The following MET variants were observed in gnomAD, a reference collection of about 807,000 sequenced individuals.
MET encodes hepatocyte growth factor receptor.
MET carries 48 observed loss-of-function variants against 133.1 expected under a neutral mutation model. The ratio of observed to expected loss-of-function variants is 0.36; its 90% confidence interval spans 0.29 to 0.46. The LOEUF (loss-of-function observed/expected upper bound fraction) is 0.46. Among genes scored for constraint, MET ranks in the 20% least tolerant of loss-of-function variants. The pLI is 1.00. For missense variants in MET, 1,442 were observed against 1,695.9 expected (o/e 0.85, Z 2.63); for synonymous variants, 628 against 616.5 (o/e 1.02, Z -0.28).
chr7:116,797,456 GA>G lies in MET; in HGVS notation c.*1337del. The G allele has an allele frequency of 4.4e-6, 1 of 228,036 alleles. No individual in the cohort carries two copies. The highest frequency in any genetic ancestry group is 2.2e-5 in the African/African-American group (1 of 45,104). 14.1% of individuals were successfully genotyped at this position (228,036 alleles called of 1,614,324 possible). ...AGCAAAACATACTTTAGAAACAAAT[GA>G]AAAAGGCAATTGAAAATCCCAGCTA... On this transcript the variant is annotated 3_prime_UTR_variant, in exon 21 of 21. Coordinates refer to ENST00000397752, the MANE Select transcript of MET (RefSeq NM_000245.4).
At chr7:116,737,523 T>G (rs1048552423) in intron 3 of MET, among the ~76,000 whole-genome samples, 7 of 152,214 alleles carry the variant, frequency 4.6e-5, no homozygotes, top group Non-Finnish European at 5.9e-5. Flanking sequence ...GATTCTGGCC[T>G]CAGATAAAGC....
At chr7:116,684,973 T>C (rs578150977) in intron 1 of MET, among the ~76,000 whole-genome samples, 2 of 152,288 alleles carry the variant, frequency 1.3e-5, no homozygotes, top group South Asian at 2.1e-4. Context: ...ACCATGGGCA[T>C]GGAAGCCAAT....
chr7:116,680,075 TC>T (rs1715363822), intron 1 of MET, among the ~76,000 whole-genome samples: 1 of 150,878 alleles, frequency 6.6e-6, no homozygotes, highest in African/African-American at 2.4e-5. Context: ...ATTTCTTATA[TC>T]TTGAGGGGGC....
chr7:116,796,531 C>T lies in MET; in HGVS notation c.*407C>T, dbSNP rs746413882. On this transcript the variant is annotated 3_prime_UTR_variant, in exon 21 of 21. Transcript: ENST00000397752. ...AGCGGCAGCCCCAGAACAGGCCACT[C>T]ATTTAGAATTCTAGTGTTTCAAAAC... 13 of 330,620 alleles carry T rather than the reference C, an allele frequency of 3.9e-5. No homozygotes were observed. The highest frequency in any genetic ancestry group is 7.3e-5 in the Non-Finnish European group (13 of 178,104). The allele number at this position is 330,620 out of a possible 1,614,324, so 20.5% of individuals were successfully genotyped here. A position where few individuals can be genotyped will look rare whatever the true frequency, so the allele number is the denominator to read the frequency against.
intron 1 of MET, among the ~76,000 whole-genome samples, chr7:116,686,958 C>T (rs1023255093): frequency 2.0e-5 from 3 of 152,196 alleles, no homozygotes; most frequent in Non-Finnish European, 2.9e-5. Context: ...TCCTTGGCCC[C>T]GCTTTCTGTC....
intron 11 of MET, among the ~76,000 whole-genome samples, chr7:116,769,317 T>G (rs746172777): frequency 9.9e-5 from 15 of 152,186 alleles, no homozygotes; most frequent in Admixed American, 2.6e-4. Flanking sequence ...TTGCCAAACA[T>G]TGATACCCCC....
Position 116,796,204 on chromosome 7 carries a change from A to G in MET, c.*80A>G. 2 of 1,347,998 alleles carry G rather than the reference A, an allele frequency of 1.5e-6. No individual in the cohort carries two copies. The allele number at this position is 1,347,998 out of a possible 1,614,324, so 83.5% of individuals were successfully genotyped here. A position where few individuals can be genotyped will look rare whatever the true frequency, so the allele number is the denominator to read the frequency against. On this transcript the variant is annotated 3_prime_UTR_variant, in exon 21 of 21. Transcript: ENST00000397752. Reference sequence around the variant, plus strand: ...GCCTGACCTTTAAAAGGCCATCGATATTCTTTGCTCTTGCCAAAATTGCAC... The same window carrying G: ...GCCTGACCTTTAAAAGGCCATCGATGTTCTTTGCTCTTGCCAAAATTGCAC...
intron 15 of MET, among the ~76,000 whole-genome samples, chr7:116,776,882 T>C (rs558308666): frequency 6.6e-6 from 1 of 152,362 alleles, no homozygotes; most frequent in Admixed American, 6.5e-5. Context: ...TATTAACCAG[T>C]GACTAATGGG....
intron 11 of MET, among the ~76,000 whole-genome samples, chr7:116,768,570 C>T (rs1039499440): frequency 6.6e-6 from 1 of 152,164 alleles, no homozygotes; most frequent in Non-Finnish European, 1.5e-5. Context: ...GTATTTTCTT[C>T]CCACTTCTTT....
At chr7:116,747,752 AACTCGGCTCTGG>A (rs139335187) in intron 5 of MET, among the ~76,000 whole-genome samples, 2,761 of 152,300 alleles carry the variant, frequency 0.018, 82 homozygotes, top group African/African-American at 0.064. Flanking sequence ...CCAGGACTTG[AACTCGGCTCTGG>A]ACCAAGCAGA....
At position 116,759,331 on chromosome 7, in the gene MET, T is replaced by A. The variant is rs1794306643; in HGVS notation, c.2265-60T>A. Reference sequence around the variant, plus strand: ...CAGGTGATTAAATTGAATCCCTCTCTTACAGTACTTGGTGGAAAGAACCTC... The same window carrying A: ...CAGGTGATTAAATTGAATCCCTCTCATACAGTACTTGGTGGAAAGAACCTC... On this transcript the variant is annotated intron_variant, in intron 9 of 20. Coordinates refer to ENST00000397752, the MANE Select transcript of MET (RefSeq NM_000245.4). 3.2e-6 allele frequency: 5 copies of A among 1,577,572 alleles called. No individual in the cohort carries two copies. In the East Asian group the frequency reaches 1.1e-4, roughly 36 times the overall value.
At chr7:116,679,299 G>C (rs1796268272) in intron 1 of MET, among the ~76,000 whole-genome samples, 1 of 152,124 alleles carries the variant, frequency 6.6e-6, no homozygotes, top group South Asian at 2.1e-4. Flanking sequence ...CTTGGAATAA[G>C]ATCTATTCTA....
chr7:116,676,811 T>A (rs1358895258), intron 1 of MET, among the ~76,000 whole-genome samples: 1 of 152,142 alleles, frequency 6.6e-6, no homozygotes, highest in African/African-American at 2.4e-5. Context: ...CTTGCACAAC[T>A]GTCCATAGAC....
chr7:116,681,407 C>G (rs1796353969), intron 1 of MET, among the ~76,000 whole-genome samples: 1 of 152,084 alleles, frequency 6.6e-6, no homozygotes, highest in Non-Finnish European at 1.5e-5. Flanking sequence ...CTGTTGGGAC[C>G]AAAAGTTATG....
intron 1 of MET, among the ~76,000 whole-genome samples, chr7:116,689,195 A>G (rs1236233056): frequency 6.6e-6 from 1 of 152,250 alleles, no homozygotes; most frequent in East Asian, 1.9e-4. Flanking sequence ...TTATACCTTC[A>G]TATGACACTT....
intron 1 of MET, among the ~76,000 whole-genome samples, chr7:116,691,172 CCA>C (rs2116535679): frequency 1.3e-5 from 2 of 152,258 alleles, no homozygotes; most frequent in East Asian, 3.9e-4. Context: ...GAAATATTTT[CCA>C]GTTTCTATAT....
intron 14 of MET, among the ~76,000 whole-genome samples, chr7:116,774,583 T>G (rs1794932085): frequency 6.6e-6 from 1 of 152,334 alleles, no homozygotes; most frequent in East Asian, 1.9e-4. Flanking sequence ...CTACCACTGC[T>G]TCCATTCTTA....
chr7:116,716,091 G>A (rs1042364001), intron 2 of MET, among the ~76,000 whole-genome samples: 1 of 151,838 alleles, frequency 6.6e-6, no homozygotes, highest in Non-Finnish European at 1.5e-5. Context: ...TCTCTACAAA[G>A]AAATACAAAA....
At chr7:116,689,178 C>T (rs1796683978) in intron 1 of MET, among the ~76,000 whole-genome samples, 1 of 152,212 alleles carries the variant, frequency 6.6e-6, no homozygotes, top group South Asian at 2.1e-4. Context: ...TACTCCCTTT[C>T]ATATAGTTAT....
Sources: gnomAD v4.1 joint callset for allele counts (sites outside exome capture counted in the v4.1 genomes callset) on GRCh38, gnomAD v4.1.1 for gene constraint, MANE v1.5 for transcripts, NCBI Gene and HGNC (gene_info 2026-07-23, HGNC 2026-07-21) for gene names.